The following KMT2C variants were observed in gnomAD, a reference collection of about 807,000 sequenced individuals.
KMT2C encodes histone-lysine N-methyltransferase 2C.
Under a neutral mutation model 507.9 loss-of-function variants are expected in KMT2C, and 88 were observed. That is an observed-to-expected ratio of 0.17 (90% confidence interval 0.15 to 0.21). KMT2C has a LOEUF of 0.21. Among genes scored for constraint, KMT2C ranks in the 10% least tolerant of loss-of-function variants. The probability of loss-of-function intolerance (pLI) is 1.00; values close to 1 mark genes in which losing one functional copy is unlikely to be tolerated. For synonymous variants in KMT2C, 2,049 were observed against 2,080.8 expected (o/e 0.98, Z 0.42); for missense variants, 4,954 against 5,957.8 (o/e 0.83, Z 5.55).
In KMT2C at chr7:152,422,959, G is replaced by A. The variant is rs190504133; in HGVS notation, c.161+12667C>T. Among the ~76,000 whole-genome samples, 615 of 151,200 alleles carry A rather than the reference G, an allele frequency of 4.1e-3. 5 individuals carry two copies. The highest frequency in any genetic ancestry group is 0.014 in the African/African-American group (594 of 41,148). ...ATGAACCCGGGAGGCGGAGCTTACA[G>A]TGAGCCAAGATCACACCAATGCACT... On this transcript the variant is annotated intron_variant, in intron 1 of 58. Transcript: ENST00000262189.
intron 23 of KMT2C, among the ~76,000 whole-genome samples, chr7:152,216,888 C>T (rs567740885): frequency 6.6e-6 from 1 of 152,192 alleles, no homozygotes; most frequent in Non-Finnish European, 1.5e-5. Flanking sequence ...TAATAGCTCA[C>T]GGTTACTGAG....
chr7:152,194,454 T>C lies in KMT2C; in HGVS notation c.4493A>G (p.Lys1498Arg). Residue 1498 changes from lysine to arginine, a missense_variant, in exon 29 of 59, where the codon AAA becomes AGA. Transcript: ENST00000262189. ...LDGILSPELDKMVTDGAILGK... is the reference protein window; with the variant it reads ...LDGILSPELDRMVTDGAILGK... ...AAATATTTTACCATCTGTGACCATTTTGTCTAGTTCAGGACTGAGGATCCC... is the reference window on the plus strand; with the variant it reads ...AAATATTTTACCATCTGTGACCATTCTGTCTAGTTCAGGACTGAGGATCCC... 6 of 1,613,566 alleles carry C rather than the reference T, an allele frequency of 3.7e-6. No homozygotes were observed. The highest frequency in any genetic ancestry group is 5.1e-6 in the Non-Finnish European group (6 of 1,179,658).
chr7:152,185,466 G>A (rs916589230), intron 34 of KMT2C, 92 bp downstream of exon 34: 27 of 926,094 alleles, frequency 2.9e-5, no homozygotes, highest in Non-Finnish European at 4.4e-5. Flanking sequence ...AGCATTTTCT[G>A]AAATGGAAAT....
intron 14 of KMT2C, among the ~76,000 whole-genome samples, chr7:152,246,084 T>C (rs1320684943): frequency 1.3e-5 from 2 of 152,190 alleles, no homozygotes; most frequent in Non-Finnish European, 2.9e-5. Flanking sequence ...GATATACACA[T>C]TCCTGCTAAC....
chr7:152,209,436 G>A (rs1399904697), intron 23 of KMT2C, among the ~76,000 whole-genome samples: 7 of 134,810 alleles, frequency 5.2e-5, no homozygotes, highest in East Asian at 2.2e-4. Flanking sequence ...CACCCTGGGC[G>A]ACAGCGGGAC....
In KMT2C at chr7:152,187,415, C is replaced by T. The variant is rs1298975095; in HGVS notation, c.4855G>A (p.Ala1619Thr). ...TCATTTTCTCCTTCCACAGTGGGAG[C>T]TGATGATGTCCAAGAGTTGTTAGGA... is the stretch of plus-strand genomic sequence containing the variant. ...SDPNNSWTSS[A>T]PTVEGENDTM... Residue 1619 changes from alanine to threonine, a missense_variant, in exon 33 of 59, where the codon GCT becomes ACT. This residue lies in a region of KMT2C where 195 missense variants were observed against 183.7 expected (regional missense o/e 1.06). Transcript: ENST00000262189. The T allele has an allele frequency of 1.2e-6, 2 of 1,614,086 alleles. No homozygotes were observed. The highest frequency in any genetic ancestry group is 2.7e-5 in the African/African-American group (2 of 75,018).
At chr7:152,293,172 T>C (rs557754468) in intron 6 of KMT2C, among the ~76,000 whole-genome samples, 4 of 152,266 alleles carry the variant, frequency 2.6e-5, no homozygotes, top group South Asian at 2.1e-4. Context: ...CTAAAATACA[T>C]TGAACGTTTG....
At chr7:152,243,763 C>A (rs983044352) in intron 14 of KMT2C, among the ~76,000 whole-genome samples, 5 of 151,930 alleles carry the variant, frequency 3.3e-5, no homozygotes, top group African/African-American at 1.2e-4. Flanking sequence ...GCCTGGGCAA[C>A]AGAGCAAGAC....
intron 53 of KMT2C, among the ~76,000 whole-genome samples, chr7:152,145,962 G>A (rs2091060859): frequency 6.6e-6 from 1 of 152,144 alleles, no homozygotes; most frequent in South Asian, 2.1e-4. Flanking sequence ...AAAACAATTA[G>A]GCACATTACT....
chr7:152,314,110 G>C (rs2096700158), intron 4 of KMT2C, among the ~76,000 whole-genome samples: 1 of 152,020 alleles, frequency 6.6e-6, no homozygotes, highest in Non-Finnish European at 1.5e-5. Flanking sequence ...TCCAAATATA[G>C]TACTTCTAAG....
intron 3 of KMT2C, among the ~76,000 whole-genome samples, chr7:152,326,800 G>A (rs545934501): frequency 1.8e-4 from 28 of 152,232 alleles, no homozygotes; most frequent in East Asian, 5.8e-4. Flanking sequence ...AGAATCGCGC[G>A]AACCCGGGAG....
rs2097913556 is a variant in KMT2C, at chr7:152,435,985, C to CGGCGCG, written c.-205_-200dup. 2 of 280,648 alleles carry CGGCGCG rather than the reference C, an allele frequency of 7.1e-6. No homozygotes were observed. The highest frequency in any genetic ancestry group is 4.7e-5 in the African/African-American group (2 of 42,826). The allele number at this position is 280,648 out of a possible 1,614,324, so 17.4% of individuals were successfully genotyped here. A position where few individuals can be genotyped will look rare whatever the true frequency, so the allele number is the denominator to read the frequency against. ...GAGCAGGACACGCACTCACACACAT[C>CGGCGCG]GGCGCGGGCGCGCGCACCTCCGCGC... On this transcript the variant is annotated 5_prime_UTR_variant, in exon 1 of 59. Coordinates refer to ENST00000262189, the MANE Select transcript of KMT2C (RefSeq NM_170606.3).
At chr7:152,198,965 T>C (rs1432816168) in intron 27 of KMT2C, among the ~76,000 whole-genome samples, 1 of 152,130 alleles carries the variant, frequency 6.6e-6, no homozygotes. Flanking sequence ...CAAAAATCTA[T>C]CTTAGATTTT....
At chr7:152,387,310 AT>A (rs1465744866) in intron 1 of KMT2C, among the ~76,000 whole-genome samples, 1 of 151,826 alleles carries the variant, frequency 6.6e-6, no homozygotes, top group African/African-American at 2.4e-5. Flanking sequence ...ATATGTAGTT[AT>A]TGGTAATTTT....
intron 9 of KMT2C, among the ~76,000 whole-genome samples, chr7:152,255,246 A>G (rs2095642009): frequency 6.7e-6 from 1 of 149,942 alleles, no homozygotes; most frequent in Non-Finnish European, 1.5e-5. Context: ...GGCTCACTGC[A>G]GCCTCGAACT....
At chr7:152,174,460 G>A (rs527756444) in intron 38 of KMT2C, among the ~76,000 whole-genome samples, 1 of 152,226 alleles carries the variant, frequency 6.6e-6, no homozygotes, top group Non-Finnish European at 1.5e-5. Context: ...AAAAAGTCAA[G>A]TTTAAGGGAG....
At position 152,182,050 on chromosome 7, in the gene KMT2C, T is replaced by G; in HGVS notation, c.5810A>C (p.Gln1937Pro). Reference protein sequence around the residue: ...TPLSSVSRPLQMNETTANRPS... With the variant: ...TPLSSVSRPLPMNETTANRPS... ...CCTATTTGCTGTTGTCTCATTCATT[T>G]GAAGGGGCCTAGATACCGATGATAA... The change falls in exon 36 of 59, where the codon CAA becomes CCA. Residue 1937 changes from glutamine to proline, a missense_variant. Transcript: ENST00000262189. 1 of 1,614,214 alleles carries G rather than the reference T, an allele frequency of 6.2e-7. No individual in the cohort carries two copies.
rs2129095481 is a variant in KMT2C at position 152,148,663 on chromosome 7, G to A, written c.13264C>T (p.Leu4422Phe). Residue 4422 changes from leucine to phenylalanine, a missense_variant, in exon 52 of 59, where the codon CTT becomes TTT. Coordinates refer to ENST00000262189, the MANE Select transcript of KMT2C (RefSeq NM_170606.3). This position sits in a 1 kb window ranked among gnomAD's most constrained non-coding sequence, Gnocchi z 7.1. The part of the protein sequence containing the change: ...LTDGPARLLN[L>F]DLDLWVHLNC... ...AAGTGGACCCACAGATCCAAGTCAA[G>A]GTTGAGTAGCCTTGCTGGTCCATCT... 1 of 1,614,196 alleles carries A rather than the reference G, an allele frequency of 6.2e-7. No individual in the cohort carries two copies. Among genetic ancestry groups the A allele is most frequent in the Non-Finnish European group, 8.5e-7 (1 of 1,180,034 alleles).
chr7:152,182,870 A>T (rs1353705965), intron 35 of KMT2C, 104 bp downstream of exon 35: 1 of 842,998 alleles, frequency 1.2e-6, no homozygotes, highest in African/African-American at 1.7e-5. Flanking sequence ...CCTAAATCAA[A>T]TTTTCATGGT....
Sources: allele counts gnomAD v4.1 joint callset (sites outside exome capture counted in the v4.1 genomes callset), GRCh38; gene constraint gnomAD v4.1.1; regional missense constraint gnomAD v4.1.1; non-coding constraint Gnocchi (gnomAD v3.1); transcripts MANE v1.5; gene names NCBI Gene and HGNC (gene_info 2026-07-23, HGNC 2026-07-21).